TMEM74: variants seen among roughly 807,000 people sequenced by gnomAD.
TMEM74 encodes transmembrane protein 74.
In TMEM74, 13 loss-of-function variants were observed where a neutral mutation model predicts 18.1. That is an observed-to-expected ratio of 0.72 (90% CI 0.47 to 1.14). TMEM74 has a LOEUF of 1.14. TMEM74 is among the 50% of genes most tolerant of loss of function. TMEM74 has a pLI of 0.00. For missense variants in TMEM74, 372 were observed against 375.9 expected (o/e 0.99, Z 0.09); for synonymous variants, 159 against 146.6 (o/e 1.08, Z -0.61).
At chr8:108,776,503 G>A (rs868007907), downstream of TMEM74, among the ~76,000 whole-genome samples, 4 of 152,100 alleles carry the variant, frequency 2.6e-5, no homozygotes, top group Non-Finnish European at 5.9e-5. Context: ...AAAACAAAAG[G>A]TAATTAAATA....
At chr8:108,629,126 G>C (rs1415830139) in intron 2 of TMEM74, among the ~76,000 whole-genome samples, 1 of 151,966 alleles carries the variant, frequency 6.6e-6, no homozygotes, top group Non-Finnish European at 1.5e-5. Flanking sequence ...AACCAGTTTA[G>C]AGGAGAACAT....
chr8:108,729,178 G>A (rs987186925), intron 1 of TMEM74, among the ~76,000 whole-genome samples: 4 of 152,192 alleles, frequency 2.6e-5, no homozygotes, highest in African/African-American at 7.2e-5. Context: ...GCTCCTTCAT[G>A]TTATTGGCTT....
chr8:108,748,134 G>A (rs878866623), intron 1 of TMEM74, among the ~76,000 whole-genome samples: 3 of 152,018 alleles, frequency 2.0e-5, no homozygotes, highest in East Asian at 1.9e-4. Flanking sequence ...TTGAGGAATC[G>A]CCACACTGTC....
At chr8:108,656,485 TAG>T (rs1241436469) in intron 1 of TMEM74, among the ~76,000 whole-genome samples, 3 of 152,206 alleles carry the variant, frequency 2.0e-5, no homozygotes, top group South Asian at 2.1e-4. Flanking sequence ...TTCTTCCACA[TAG>T]AGTTACTCTT....
chr8:108,787,171 G>T (rs1292979222), intron 1 of TMEM74, among the ~76,000 whole-genome samples: 1 of 152,126 alleles, frequency 6.6e-6, no homozygotes, highest in Non-Finnish European at 1.5e-5. Flanking sequence ...ATTAATATTT[G>T]CTTTAAACTG....
At chr8:108,754,655 G>GTAGGTAGC (rs3083596) in intron 1 of TMEM74, among the ~76,000 whole-genome samples, 7 of 143,744 alleles carry the variant, frequency 4.9e-5, no homozygotes, top group East Asian at 2.0e-4. Context: ...AGGTAGGTAG[G>GTAGGTAGC]TAGGTAGCTA....
downstream of TMEM74, among the ~76,000 whole-genome samples, chr8:108,776,621 T>C (rs1040693314): frequency 1.3e-5 from 2 of 152,258 alleles, no homozygotes; most frequent in Non-Finnish European, 2.9e-5. Flanking sequence ...AACAAAAGAC[T>C]GTTTTCCAAA....
chr8:108,654,024 A>C (rs1438445463), intron 2 of TMEM74, among the ~76,000 whole-genome samples: 3 of 152,182 alleles, frequency 2.0e-5, no homozygotes, highest in Non-Finnish European at 4.4e-5. Context: ...TTACATAAAT[A>C]AAAAATATTA....
At chr8:108,771,387 A>C (rs1445492402) in intron 1 of TMEM74, among the ~76,000 whole-genome samples, 4 of 152,200 alleles carry the variant, frequency 2.6e-5, no homozygotes, top group Non-Finnish European at 5.9e-5. Flanking sequence ...ATGTTTGCTA[A>C]AAAATTTAAA....
downstream of TMEM74, among the ~76,000 whole-genome samples, chr8:108,777,374 A>G (rs1244504823): frequency 6.6e-6 from 1 of 152,228 alleles, no homozygotes; most frequent in South Asian, 2.1e-4. Context: ...ACATAGAAAG[A>G]GTAACTACAT....
chr8:108,763,710 G>A (rs1814070539), intron 1 of TMEM74, among the ~76,000 whole-genome samples: 1 of 152,120 alleles, frequency 6.6e-6, no homozygotes, highest in African/African-American at 2.4e-5. Flanking sequence ...TATTTTACTG[G>A]TATTCTTATT....
chr8:108,619,414 G>A (rs1302030853), intron 2 of TMEM74, among the ~76,000 whole-genome samples: 1 of 152,174 alleles, frequency 6.6e-6, no homozygotes, highest in Non-Finnish European at 1.5e-5. Context: ...CTTCGGTTGT[G>A]TGACTCTGTG....
rs1367725442 is a variant in TMEM74 at position 108,694,095 on chromosome 8, G to A, written n.120-38658C>T. ...TATAGTGGTGAAGTCAGGGCTTTTA[G>A]CTTATCCATCACCTGAACAATATAC... On this transcript the variant is annotated intron_variant and non_coding_transcript_variant, in intron 1 of 3. Transcript: ENST00000518838. Among the ~76,000 whole-genome samples the A allele has an allele frequency of 2.0e-5, 3 of 152,328 alleles. No homozygotes were observed. In the East Asian group the frequency reaches 5.8e-4, roughly 29 times the overall value.
chr8:108,652,636 A>G (rs1812785832), intron 2 of TMEM74: 2 of 629,690 alleles, frequency 3.2e-6, no homozygotes, highest in Non-Finnish European at 6.0e-6. Flanking sequence ...GGCAAAAGAA[A>G]GCAAGAAAAA....
At chr8:108,665,184 G>A (rs924887210) in intron 1 of TMEM74, among the ~76,000 whole-genome samples, 1 of 152,124 alleles carries the variant, frequency 6.6e-6, no homozygotes, top group Non-Finnish European at 1.5e-5. Context: ...CCTACTGTAT[G>A]TGCATGTTCT....
intron 1 of TMEM74, among the ~76,000 whole-genome samples, chr8:108,738,487 C>T (rs1813769592): frequency 6.6e-6 from 1 of 152,146 alleles, no homozygotes; most frequent in Non-Finnish European, 1.5e-5. Flanking sequence ...TATGAGATAA[C>T]TGAACTATCC....
intron 1 of TMEM74, among the ~76,000 whole-genome samples, chr8:108,764,985 G>A (rs1814086800): frequency 1.3e-5 from 2 of 152,034 alleles, no homozygotes; most frequent in South Asian, 4.1e-4. Flanking sequence ...CATTTTTAGG[G>A]CTCTGATGTG....
chr8:108,753,469 A>T (rs1419341013), intron 1 of TMEM74, among the ~76,000 whole-genome samples: 1 of 152,066 alleles, frequency 6.6e-6, no homozygotes, highest in Non-Finnish European at 1.5e-5. Context: ...AAATTTTCCT[A>T]AAAAACAAAA....
At chr8:108,691,165 G>C (rs986469040) in intron 1 of TMEM74, among the ~76,000 whole-genome samples, 4 of 152,154 alleles carry the variant, frequency 2.6e-5, no homozygotes, top group African/African-American at 9.7e-5. Flanking sequence ...CATGTTGGCC[G>C]GGCCTGGGAC....
Sources: allele counts gnomAD v4.1 joint callset (sites outside exome capture counted in the v4.1 genomes callset), GRCh38; gene constraint gnomAD v4.1.1; transcripts MANE v1.5; gene names NCBI Gene and HGNC (gene_info 2026-07-23, HGNC 2026-07-21).